The following KCNT2 variants were observed in gnomAD, a reference collection of about 807,000 sequenced individuals.
The protein encoded by KCNT2 is potassium sodium-activated channel subfamily T member 2.
A neutral mutation model predicts 153.8 loss-of-function variants in KCNT2; 67 were observed. The ratio of observed to expected loss-of-function variants is 0.44; its 90% CI spans 0.36 to 0.53. KCNT2 has a LOEUF of 0.53. Among genes scored for constraint, KCNT2 ranks in the 20% least tolerant of loss-of-function variants. The pLI, the probability that KCNT2 is intolerant of heterozygous loss-of-function variation, is 0.00. For missense variants in KCNT2, 975 were observed against 1,354.8 expected (o/e 0.72, Z 4.40); for synonymous variants, 500 against 458.8 (o/e 1.09, Z -1.15).
chr1:196,316,209 A>G (rs1662700463), intron 20 of KCNT2, among the ~76,000 whole-genome samples, 183 bp from the exon 21 acceptor site: 1 of 151,748 alleles, frequency 6.6e-6, no homozygotes, highest in African/African-American at 2.4e-5. Flanking sequence ...ATATGAAATA[A>G]TTTTTATTTT....
At chr1:196,244,483 A>G (rs898250880) in intron 26 of KCNT2, among the ~76,000 whole-genome samples, 1 of 151,984 alleles carries the variant, frequency 6.6e-6, no homozygotes, top group African/African-American at 2.4e-5. Context: ...CTGAGGAGAG[A>G]GTTTCCTGCC....
At chr1:196,422,854 T>C (rs1268317785) in intron 12 of KCNT2, among the ~76,000 whole-genome samples, 196 bp downstream of exon 12, 4 of 151,972 alleles carry the variant, frequency 2.6e-5, no homozygotes, top group Admixed American at 2.0e-4. Flanking sequence ...TAGAAACTAT[T>C]TGAAAAACAC....
At chr1:196,408,565 T>C (rs1672024649) in intron 12 of KCNT2, among the ~76,000 whole-genome samples, 1 of 151,684 alleles carries the variant, frequency 6.6e-6, no homozygotes, top group African/African-American at 2.4e-5. Context: ...TCTCTTCAGA[T>C]GCTGGTAAAG....
chr1:196,322,916 A>T (rs1191552935), intron 19 of KCNT2, among the ~76,000 whole-genome samples: 1 of 152,042 alleles, frequency 6.6e-6, no homozygotes, highest in East Asian at 1.9e-4. Context: ...CATCAGTTTG[A>T]ATAGTGACAG....
At chr1:196,556,049 C>T (rs1658611915) in intron 1 of KCNT2, among the ~76,000 whole-genome samples, 1 of 151,380 alleles carries the variant, frequency 6.6e-6, no homozygotes, top group South Asian at 2.1e-4. Flanking sequence ...TGTGAAACTA[C>T]TACAAGAAAA....
At chr1:196,244,793 G>A (rs1655277828) in intron 26 of KCNT2, among the ~76,000 whole-genome samples, 1 of 152,028 alleles carries the variant, frequency 6.6e-6, no homozygotes, top group Non-Finnish European at 1.5e-5. Flanking sequence ...CTGAAGGGAG[G>A]AAAAAAGATG....
intron 26 of KCNT2, chr1:196,257,843 C>T: frequency 1.0e-6 from 1 of 985,154 alleles, no homozygotes; most frequent in Non-Finnish European, 1.2e-6. Context: ...TTCATTTTAT[C>T]TCAGGCACTA....
At chr1:196,237,719 T>C (rs1352213470) in intron 26 of KCNT2, among the ~76,000 whole-genome samples, 1 of 151,850 alleles carries the variant, frequency 6.6e-6, no homozygotes, top group Non-Finnish European at 1.5e-5. Flanking sequence ...TTATCAGAAA[T>C]TTAAGTTCCA....
At chr1:196,429,477 G>C (rs1673945121) in intron 9 of KCNT2, 100 bp downstream of exon 9, 1 of 639,174 alleles carries the variant, frequency 1.6e-6, no homozygotes, top group Non-Finnish European at 2.6e-6. Flanking sequence ...TAGTAAATTA[G>C]TGTTAGATAA....
chr1:196,408,399 A>AAGCT (rs1558253866), intron 12 of KCNT2, among the ~76,000 whole-genome samples: 2 of 151,600 alleles, frequency 1.3e-5, no homozygotes. Context: ...GAAGGAAACA[A>AAGCT]AGCTTGCATT....
intron 26 of KCNT2, among the ~76,000 whole-genome samples, chr1:196,254,686 TA>T (rs1459162545): frequency 1.3e-5 from 2 of 151,588 alleles, no homozygotes; most frequent in African/African-American, 4.8e-5. Flanking sequence ...CTACTGCTGT[TA>T]AATCTATCAT....
At chr1:196,322,245 C>G (rs1463384822) in intron 19 of KCNT2, among the ~76,000 whole-genome samples, 1 of 151,730 alleles carries the variant, frequency 6.6e-6, no homozygotes, top group Non-Finnish European at 1.5e-5. Flanking sequence ...TAGCTCATTA[C>G]AAACAGATTA....
Position 196,408,673 on chromosome 1 carries a change from C to G in KCNT2, c.1186-10002G>C, listed in dbSNP as rs1672035134. 2.0e-5 allele frequency among the ~76,000 whole-genome samples: 3 copies of G among 151,278 alleles called. No homozygotes were observed. The South Asian group carries it at 6.2e-4, about 31-fold the overall frequency. On this transcript the variant is annotated intron_variant, in intron 12 of 27. Transcript: ENST00000294725. ...ACTTATGGATGTTTTGTTTTATTTC[C>G]AAATATTTGGGTATTTTTCAGCTGT... is the stretch of plus-strand genomic sequence containing the variant.
intron 26 of KCNT2, among the ~76,000 whole-genome samples, chr1:196,249,279 A>G (rs1052356960): frequency 1.3e-5 from 2 of 152,302 alleles, no homozygotes; most frequent in East Asian, 3.9e-4. Context: ...ATCATTCAAC[A>G]TACTGCTGGA....
intron 13 of KCNT2, among the ~76,000 whole-genome samples, chr1:196,380,892 G>A (rs752234164): frequency 6.6e-6 from 1 of 152,054 alleles, no homozygotes; most frequent in South Asian, 2.1e-4. Context: ...ATAACCACTC[G>A]TGTGTGCATG....
At chr1:196,588,910 AAAGAATTTATTTAGTAAATG>A (rs1209138448) in intron 1 of KCNT2, among the ~76,000 whole-genome samples, 6 of 151,938 alleles carry the variant, frequency 3.9e-5, no homozygotes, top group African/African-American at 9.7e-5. Flanking sequence ...TTAGTAAATG[AAAGAATTTATTTAGTAAATG>A]AAGAATTTAT....
At position 196,465,234 on chromosome 1, in the gene KCNT2, TC is replaced by T. The variant is rs1677503528; in HGVS notation, c.638+58del. 1.1e-5 allele frequency: 10 copies of T among 901,222 alleles called. No homozygotes were observed. The South Asian group carries it at 1.6e-4, about 14-fold the overall frequency. The allele number at this position is 901,222 out of a possible 1,614,324, so 55.8% of individuals were successfully genotyped here. A position where few individuals can be genotyped will look rare whatever the true frequency, so the allele number is the denominator to read the frequency against. On this transcript the variant is annotated intron_variant, in intron 8 of 27. Coordinates refer to ENST00000294725, the MANE Select transcript of KCNT2 (RefSeq NM_198503.5). ...AATGAAAGTTATTTATAATATGGTT[TC>T]CTTTAGAAATTATAATTAAATGAAA...
chr1:196,404,044 T>C (rs1247542140), intron 12 of KCNT2: 1 of 358,968 alleles, frequency 2.8e-6, no homozygotes, highest in East Asian at 1.7e-4. Flanking sequence ...TATCCCAAAC[T>C]GAACTCATCT....
intron 8 of KCNT2, among the ~76,000 whole-genome samples, chr1:196,439,712 A>G (rs1164644579): frequency 1.3e-5 from 2 of 151,992 alleles, no homozygotes; most frequent in Non-Finnish European, 2.9e-5. Context: ...TTTGTATTTT[A>G]TTAATATATA....
Sources: gnomAD v4.1 joint callset for allele counts (sites outside exome capture counted in the v4.1 genomes callset) on GRCh38, gnomAD v4.1.1 for gene constraint, MANE v1.5 for transcripts, NCBI Gene and HGNC (gene_info 2026-07-23, HGNC 2026-07-21) for gene names.